ECE1: variants seen among roughly 807,000 people sequenced by gnomAD.
The protein encoded by ECE1 is endothelin-converting enzyme 1.
A neutral mutation model predicts 98.6 loss-of-function variants in ECE1; 35 were observed. That is an observed-to-expected ratio of 0.35 (90% CI 0.27 to 0.47). The LOEUF is 0.47. Ranked by LOEUF, ECE1 falls within the 20% of genes least tolerant of loss-of-function variation. The pLI is 1.00. For missense variants in ECE1, 814 were observed against 1,025.3 expected (o/e 0.79, Z 2.81); for synonymous variants, 394 against 407.1 (o/e 0.97, Z 0.39).
chr1:21,312,122 CAAAAA>C (rs34057869), intron 1 of ECE1, among the ~76,000 whole-genome samples: 1 of 113,630 alleles, frequency 8.8e-6, no homozygotes, highest in Admixed American at 9.1e-5. Flanking sequence ...GATTCTGTCT[CAAAAA>C]AAAAAAAAAA....
At chr1:21,262,504 C>T (rs1386169960) in intron 4 of ECE1, among the ~76,000 whole-genome samples, 1 of 152,220 alleles carries the variant, frequency 6.6e-6, no homozygotes, top group Non-Finnish European at 1.5e-5. Context: ...CAGCGTCTCA[C>T]CCTCCACATC....
At position 21,232,182 on chromosome 1, in the gene ECE1, G is replaced by A. The variant is rs1383941012; in HGVS notation, c.1670+1376C>T. 4.6e-5 allele frequency among the ~76,000 whole-genome samples: 7 copies of A among 152,148 alleles called. No homozygotes were observed. In the East Asian group the frequency reaches 1.3e-3, roughly 29 times the overall value. ...CACCAGAGGCAAAGAGAAGTTGATT[G>A]CACCCTTCCCTAAGATTTATCCCAA... is the stretch of plus-strand genomic sequence containing the variant. On this transcript the variant is annotated intron_variant, in intron 14 of 18. Transcript: ENST00000374893.
At chr1:21,301,360 G>A (rs572088741) in intron 1 of ECE1, among the ~76,000 whole-genome samples, 20 of 152,186 alleles carry the variant, frequency 1.3e-4, no homozygotes, top group Non-Finnish European at 2.5e-4. Context: ...TTGGCGAGGT[G>A]GCGGGCGCCT....
At chr1:21,249,112 G>A (rs1056986030) in intron 8 of ECE1, among the ~76,000 whole-genome samples, 3 of 151,990 alleles carry the variant, frequency 2.0e-5, no homozygotes, top group African/African-American at 7.3e-5. Context: ...GAAGGCCGAG[G>A]CCAGTGGATC....
At chr1:21,292,310 A>T (rs213047), upstream of ECE1, among the ~76,000 whole-genome samples, 11 of 149,264 alleles carry the variant, frequency 7.4e-5, no homozygotes, top group East Asian at 4.0e-4. Context: ...CCCCTCCCCC[A>T]CCAACCTCCT....
chr1:21,326,923 C>G (rs36076852), intron 1 of ECE1, among the ~76,000 whole-genome samples: 10,937 of 152,212 alleles, frequency 0.072, 538 homozygotes, highest in Middle Eastern at 0.11. Flanking sequence ...GAAACACCCC[C>G]GCTCCCCAGC....
In ECE1 at chr1:21,298,760, C is replaced by T. The variant is rs1262477824; in HGVS notation, c.4-8604G>A. ...AAGCCTGGATTTGAACCCAGGTTTT[C>T]CCATGACATCAGATAAGACGGCAAT... On this transcript the variant is annotated intron_variant, in intron 1 of 18. Transcript: ENST00000415912. 3 of 456,154 alleles carry T rather than the reference C, an allele frequency of 6.6e-6. No individual in the cohort carries two copies. The Admixed American group carries it at 7.1e-5, about 11-fold the overall frequency. 28.3% of individuals were successfully genotyped at this position (456,154 alleles called of 1,614,324 possible).
chr1:21,317,565 G>C (rs1451446438), intron 1 of ECE1, among the ~76,000 whole-genome samples: 1 of 152,230 alleles, frequency 6.6e-6, no homozygotes, highest in African/African-American at 2.4e-5. Context: ...GCCCAGGCTG[G>C]CTGGAGCCCC....
intron 4 of ECE1, among the ~76,000 whole-genome samples, chr1:21,270,901 T>C (rs976779143): frequency 1.3e-5 from 2 of 152,148 alleles, no homozygotes; most frequent in African/African-American, 2.4e-5. Flanking sequence ...CCCACCTTGT[T>C]ATACTACCTG....
chr1:21,224,740 G>A (rs1409246182), intron 17 of ECE1, among the ~76,000 whole-genome samples: 1 of 152,166 alleles, frequency 6.6e-6, no homozygotes, highest in Non-Finnish European at 1.5e-5. Context: ...GTCAGCCCGT[G>A]TCTAAATCAT....
chr1:21,290,142 C>A lies in ECE1; in HGVS notation c.66G>T (p.Lys22Asn). ...GGTCCTCCTCGTCCAGCGTGGCCCG[C>A]TTGTACGTCGACATCTGCAAGGCCA... The part of the protein sequence containing the change: ...LLSALGMSTY[K>N]RATLDEEDLV... Residue 22 changes from lysine to asparagine, a missense_variant, in exon 2 of 19, where the codon AAG becomes AAT. This residue lies in a region of ECE1 where 257 missense variants were observed against 278.9 expected (regional missense o/e 0.92). Transcript: ENST00000374893. The surrounding 1 kb of genome is among the most constrained non-coding windows in gnomAD (Gnocchi z 7.3). 1 of 1,565,982 alleles carries A rather than the reference C, an allele frequency of 6.4e-7. No homozygotes were observed. The highest frequency in any genetic ancestry group is 8.6e-7 in the Non-Finnish European group (1 of 1,158,140).
intron 7 of ECE1, 47 bp from the exon 8 acceptor site, chr1:21,256,185 C>A (rs767519795): frequency 2.9e-5 from 45 of 1,562,826 alleles, no homozygotes; most frequent in Non-Finnish European, 8.7e-6. Context: ...CCCCCACTAT[C>A]CACTGGACGA....
intron 4 of ECE1, among the ~76,000 whole-genome samples, chr1:21,268,161 A>G (rs2098236231): frequency 6.6e-6 from 1 of 152,188 alleles, no homozygotes; most frequent in African/African-American, 2.4e-5. Context: ...CAGGTTTGAG[A>G]AAAGTCTCGG....
chr1:21,219,574 A>C lies in ECE1; in HGVS notation c.*381T>G, dbSNP rs1573920268. 4.5e-6 allele frequency: 1 copy of C among 222,228 alleles called. No homozygotes were observed. Among genetic ancestry groups the C allele is most frequent in the African/African-American group, 2.2e-5 (1 of 44,870 alleles). 13.8% of individuals were successfully genotyped at this position (222,228 alleles called of 1,614,324 possible). A position where few individuals can be genotyped will look rare whatever the true frequency, so the allele number is the denominator to read the frequency against. On this transcript the variant is annotated 3_prime_UTR_variant, in exon 19 of 19. Transcript: ENST00000374893. This position sits in a 1 kb window ranked among gnomAD's most constrained non-coding sequence, Gnocchi z 4.5. ...AGTGTTTAAATGTGTTTTTCCCTGA[A>C]GATTTCCAGTGTATTCCACAGTGTT...
chr1:21,224,527 T>G (rs890454106), intron 17 of ECE1, among the ~76,000 whole-genome samples: 2 of 151,746 alleles, frequency 1.3e-5, no homozygotes, highest in Non-Finnish European at 2.9e-5. Context: ...AATACCTAAT[T>G]GTAAAGCTGC....
At chr1:21,325,722 C>T (rs991377580) in intron 1 of ECE1, among the ~76,000 whole-genome samples, 2 of 152,240 alleles carry the variant, frequency 1.3e-5, no homozygotes, top group Admixed American at 6.5e-5. Flanking sequence ...ATTCATTGCT[C>T]AGCACACAGC....
chr1:21,292,650 C>T (rs1001519842), upstream of ECE1, among the ~76,000 whole-genome samples: 3 of 152,198 alleles, frequency 2.0e-5, no homozygotes, highest in Admixed American at 2.0e-4. Flanking sequence ...AGAGACTCTC[C>T]ATCACCCGGC....
Position 21,233,759 on chromosome 1 carries a change from T to G in ECE1, c.1567-98A>C. 8.5e-7 allele frequency: 1 copy of G among 1,181,384 alleles called. No homozygotes were observed. The highest frequency in any genetic ancestry group is 1.2e-6 in the Non-Finnish European group (1 of 808,910). 73.2% of individuals were successfully genotyped at this position (1,181,384 alleles called of 1,614,324 possible). ...GGCTGTCATGGTTAAGAGATTAATC[T>G]GCAGGCTGGAGACCGGAATGCAGGG... On this transcript the variant is annotated intron_variant, in intron 13 of 18. Coordinates refer to ENST00000374893, the MANE Select transcript of ECE1 (RefSeq NM_001397.3). This position sits in a 1 kb window ranked among gnomAD's most constrained non-coding sequence, Gnocchi z 4.0.
intron 1 of ECE1, among the ~76,000 whole-genome samples, chr1:21,315,229 G>C (rs1387655379): frequency 6.6e-6 from 1 of 152,180 alleles, no homozygotes; most frequent in Non-Finnish European, 1.5e-5. Context: ...TCTGTAATTT[G>C]AGCCCAGGTC....
Sources: allele counts gnomAD v4.1 joint callset (sites outside exome capture counted in the v4.1 genomes callset), GRCh38; gene constraint gnomAD v4.1.1; regional missense constraint gnomAD v4.1.1; non-coding constraint Gnocchi (gnomAD v3.1); transcripts MANE v1.5; gene names NCBI Gene and HGNC (gene_info 2026-07-23, HGNC 2026-07-21).